Variants in PISD observed in about 807,000 individuals in gnomAD.
PISD encodes phosphatidylserine decarboxylase.
PISD carries 31 observed loss-of-function variants against 43.5 expected under a neutral mutation model. The observed-to-expected ratio is 0.71, with a 90% CI of 0.54 to 0.96. PISD has a LOEUF of 0.96. Ranked by LOEUF, PISD falls within the 40% of genes least tolerant of loss-of-function variation. The pLI, the probability that PISD is intolerant of heterozygous loss-of-function variation, is 0.00. For missense variants in PISD, 523 were observed against 548.4 expected, an observed-to-expected ratio of 0.95 and a Z score of 0.46; for synonymous variants, 259 against 228.7, an observed-to-expected ratio of 1.13 and a Z score of -1.20.
chr22:31,626,035 C>T (rs2072891625), intron 3 of PISD: 3 of 1,430,424 alleles, frequency 2.1e-6, no homozygotes, highest in Non-Finnish European at 2.7e-6. Flanking sequence ...GACAGACAGG[C>T]ACTGGTCACA....
rs774413824 is a variant in PISD at position 31,621,133 on chromosome 22, C to A, written c.707G>T (p.Cys236Phe). The change falls in exon 6 of 8, where the codon TGT becomes TTT. Residue 236 changes from cysteine (C) to phenylalanine (F), a missense_variant. By Grantham distance (205) the Cys-to-Phe change is radical. Transcript: ENST00000439502. ...GACCAGCTGGTTCTTGAAGGAGTCA[C>A]ACGACGCGGCTGTGGAGTAGGAGCA... The part of the protein sequence containing the change: ...EDLPFPPAAS[C>F]DSFKNQLVTR... 6 of 1,614,078 alleles carry A rather than the reference C, an allele frequency of 3.7e-6. No individual in the cohort carries two copies. The highest frequency in any genetic ancestry group is 2.5e-6 in the Non-Finnish European group (3 of 1,180,054).
At chr22:31,640,452 T>A (rs1250359087) in intron 3 of PISD, among the ~76,000 whole-genome samples, 1 of 151,502 alleles carries the variant, frequency 6.6e-6, no homozygotes, top group Non-Finnish European at 1.5e-5. Flanking sequence ...CACCTCAGTC[T>A]CCCAAAGTGC....
At chr22:31,638,554 G>GT (rs1373730259) in intron 3 of PISD, 54 of 985,182 alleles carry the variant, frequency 5.5e-5, no homozygotes, top group Non-Finnish European at 6.3e-5. Context: ...GGCAAAACGG[G>GT]TAGTAAGGAC....
At chr22:31,635,064 G>T (rs927956027) in intron 3 of PISD, among the ~76,000 whole-genome samples, 2 of 152,022 alleles carry the variant, frequency 1.3e-5, no homozygotes, top group Non-Finnish European at 2.9e-5. Flanking sequence ...TACTCAGGAG[G>T]CTGAGGCATG....
chr22:31,643,237 G>A (rs968188593), intron 3 of PISD, among the ~76,000 whole-genome samples: 3 of 152,112 alleles, frequency 2.0e-5, no homozygotes, highest in African/African-American at 7.2e-5. Flanking sequence ...CCAACATTCT[G>A]TCATAGTGTT....
rs374416974 is a variant in PISD at position 31,620,676 on chromosome 22, C to G, written c.882G>C (p.Trp294Cys). The G allele has an allele frequency of 1.2e-5, 19 of 1,614,112 alleles. No individual in the cohort carries two copies. The highest frequency in any genetic ancestry group is 1.5e-5 in the Non-Finnish European group (18 of 1,180,042). ...CGTTATGGCAGAAGAGCTCTTTGAT[C>G]CAGCGAGCCATGCCAGGGTTCACTG... is the stretch of plus-strand genomic sequence containing the variant. ...LMSVNPGMAR[W>C]IKELFCHNER... Residue 294 changes from tryptophan to cysteine, a missense_variant, in exon 7 of 8, where the codon TGG (tryptophan) becomes TGC (cysteine). Transcript: ENST00000439502.
chr22:31,631,591 C>A (rs1313090888), intron 3 of PISD, among the ~76,000 whole-genome samples: 2 of 152,204 alleles, frequency 1.3e-5, no homozygotes, highest in Admixed American at 1.3e-4. Flanking sequence ...TGTCTTCCCA[C>A]CCCGCTAGAT....
intron 3 of PISD, among the ~76,000 whole-genome samples, chr22:31,622,338 G>A (rs916757969): frequency 1.3e-5 from 2 of 152,212 alleles, no homozygotes; most frequent in African/African-American, 4.8e-5. Flanking sequence ...GCTCCCAAGT[G>A]CATGGAACAA....
At chr22:31,638,373 T>C in intron 3 of PISD, 1 of 985,404 alleles carries the variant, frequency 1.0e-6, no homozygotes, top group Non-Finnish European at 1.2e-6. Context: ...CACCTCCACT[T>C]GACCTAACTG....
chr22:31,644,779 C>A (rs2073836389), intron 3 of PISD, among the ~76,000 whole-genome samples: 1 of 152,184 alleles, frequency 6.6e-6, no homozygotes, highest in African/African-American at 2.4e-5. Context: ...GCTGACATGA[C>A]ACCAACAAGT....
chr22:31,660,537 G>T (rs968029699), intron 1 of PISD, among the ~76,000 whole-genome samples: 2 of 151,946 alleles, frequency 1.3e-5, no homozygotes, highest in African/African-American at 4.8e-5. Flanking sequence ...GTGCACCTGT[G>T]GTCCTAGCTA....
intron 3 of PISD, among the ~76,000 whole-genome samples, chr22:31,639,314 G>C (rs554927567): frequency 6.6e-6 from 1 of 152,206 alleles, no homozygotes; most frequent in South Asian, 2.1e-4. Context: ...TAGGATTACA[G>C]GCGCCCGCCA....
chr22:31,660,791 C>T (rs1161936613), intron 1 of PISD, among the ~76,000 whole-genome samples: 2 of 152,044 alleles, frequency 1.3e-5, no homozygotes, highest in East Asian at 1.9e-4. Flanking sequence ...TGGACTCCAG[C>T]GGCGCAGTCT....
chr22:31,650,688 T>C lies in PISD; in HGVS notation c.145+11A>G, dbSNP rs746387342. 1 of 1,510,844 alleles carries C rather than the reference T, an allele frequency of 6.6e-7. No homozygotes were observed. Among genetic ancestry groups the C allele is most frequent in the East Asian group, 2.4e-5 (1 of 40,834 alleles). 93.6% of individuals were successfully genotyped at this position (1,510,844 alleles called of 1,614,324 possible). A position where few individuals can be genotyped will look rare whatever the true frequency, so the allele number is the denominator to read the frequency against. On this transcript the variant is annotated intron_variant, in intron 2 of 7. Coordinates refer to ENST00000439502, the MANE Select transcript of PISD (RefSeq NM_001326411.2). ...GAGAGAGGGTCACCACCATCTCTAA[T>C]TGCTCCTTACCTGTGCGAAAGGCTC...
intron 3 of PISD, among the ~76,000 whole-genome samples, chr22:31,636,110 G>A (rs572894546): frequency 2.6e-5 from 4 of 152,316 alleles, no homozygotes; most frequent in Non-Finnish European, 4.4e-5. Flanking sequence ...ACACCGCGGC[G>A]CCAGGACGCG....
rs2072508272 is a variant in PISD at position 31,620,712 on chromosome 22, G to A, written c.846C>T (p.Gly282=). The A allele has an allele frequency of 6.2e-7, 1 of 1,614,150 alleles. No individual in the cohort carries two copies. The highest frequency in any genetic ancestry group is 8.5e-7 in the Non-Finnish European group (1 of 1,179,978). ...TGCCAGGGTTCACTGACATCAGGGAGCCTGCAGAGGCAGGGAATGCCGCTA... is the reference window on the plus strand; with the variant it reads ...TGCCAGGGTTCACTGACATCAGGGAACCTGCAGAGGCAGGGAATGCCGCTA... ...WTVSHRRHFP[G]SLMSVNPGMA... The change falls in exon 7 of 8, where the codon GGC becomes GGT. Residue 282 remains glycine, a splice_region_variant and synonymous_variant. Transcript: ENST00000439502.
chr22:31,632,126 G>A (rs759632841), intron 3 of PISD: 1 of 438,190 alleles, frequency 2.3e-6, no homozygotes, highest in Non-Finnish European at 3.0e-6. Context: ...TGGGGGCCAC[G>A]CCTGGAATAG....
chr22:31,625,352 C>G (rs1569482889), intron 3 of PISD, among the ~76,000 whole-genome samples: 1 of 152,186 alleles, frequency 6.6e-6, no homozygotes, highest in Non-Finnish European at 1.5e-5. Context: ...TGCCACCTGC[C>G]CCACTCACTG....
chr22:31,629,730 A>C (rs2073107697), intron 3 of PISD: 1 of 152,134 alleles, frequency 6.6e-6, no homozygotes, highest in Non-Finnish European at 1.5e-5. Context: ...TTCTGGTTCA[A>C]GCCTTAGCAA....
Sources: allele counts gnomAD v4.1 joint callset (sites outside exome capture counted in the v4.1 genomes callset), GRCh38; gene constraint gnomAD v4.1.1; transcripts MANE v1.5; gene names NCBI Gene and HGNC (gene_info 2026-07-23, HGNC 2026-07-21).